Variants in USH2A observed in about 807,000 individuals in gnomAD.
USH2A encodes Usher syndrome 2A (autosomal recessive, mild).
In USH2A, 443 loss-of-function variants were observed where a neutral mutation model predicts 538.9. The observed-to-expected ratio is 0.82, with a 90% CI of 0.76 to 0.89. The LOEUF is 0.89. Ranked by LOEUF, USH2A falls within the 40% of genes least tolerant of loss-of-function variation. The pLI, the probability that USH2A is intolerant of heterozygous loss-of-function variation, is 0.00. For synonymous variants in USH2A, 2,413 were observed against 2,273.5 expected, an observed-to-expected ratio of 1.06 and a Z score of -1.75; for missense variants, 6,633 against 6,324.8, an observed-to-expected ratio of 1.05 and a Z score of -1.65.
intron 21 of USH2A, among the ~76,000 whole-genome samples, chr1:216,136,559 T>C (rs1271626136): frequency 1.3e-5 from 2 of 152,186 alleles, no homozygotes; most frequent in Non-Finnish European, 1.5e-5. Context: ...ATGATTATAA[T>C]GGATTGAATT....
intron 12 of USH2A, among the ~76,000 whole-genome samples, chr1:216,248,861 G>C (rs777877519): frequency 1.3e-5 from 2 of 151,950 alleles, no homozygotes; most frequent in Admixed American, 1.3e-4. Context: ...CATCACATTC[G>C]GTGTTAACAA....
chr1:216,182,228 A>G (rs987966238), intron 20 of USH2A, among the ~76,000 whole-genome samples: 1 of 151,952 alleles, frequency 6.6e-6, no homozygotes, highest in Non-Finnish European at 1.5e-5. Flanking sequence ...TGCCTATTTA[A>G]TTTCTTTCCT....
In USH2A at chr1:215,916,341, T is replaced by TA. The variant is rs5780866; in HGVS notation, c.7301-15437dup. Among the ~76,000 whole-genome samples the TA allele has an allele frequency of 2.2e-3, 333 of 151,074 alleles. 1 individual carries two copies. Among genetic ancestry groups the TA allele is most frequent in the Middle Eastern group, 6.8e-3 (2 of 294 alleles). On this transcript the variant is annotated intron_variant, in intron 38 of 71. Coordinates refer to ENST00000307340, the MANE Select transcript of USH2A (RefSeq NM_206933.4). The stretch of plus-strand genomic sequence containing the variant: ...ACTAGGAAAGAAACATGTGCAAAAA[T>TA]AAAAAAAAAAATTGTTAAAAAGTCA...
chr1:216,178,114 C>G (rs1389148539), intron 20 of USH2A, among the ~76,000 whole-genome samples: 1 of 152,092 alleles, frequency 6.6e-6, no homozygotes, highest in African/African-American at 2.4e-5. Flanking sequence ...AGACCTTCGG[C>G]CAGCTTTTCA....
chr1:216,088,973 A>G (rs1218902374), intron 23 of USH2A, 40 bp downstream of exon 23: 1 of 1,611,864 alleles, frequency 6.2e-7, no homozygotes, highest in South Asian at 1.1e-5. Context: ...CAACACCAAC[A>G]TATCAACAGG....
intron 21 of USH2A, among the ~76,000 whole-genome samples, chr1:216,132,378 G>C (rs1341719449): frequency 6.6e-6 from 1 of 151,964 alleles, no homozygotes; most frequent in Admixed American, 6.6e-5. Flanking sequence ...TTAAAAATAT[G>C]TATAGTCTTT....
At chr1:216,173,978 T>C (rs535500196) in intron 21 of USH2A, 2 of 985,146 alleles carry the variant, frequency 2.0e-6, no homozygotes, top group Non-Finnish European at 2.4e-6. Context: ...AAAGCAGAAG[T>C]TGAGCATTTT....
chr1:215,992,876 A>G (rs1274698881), intron 35 of USH2A, 144 bp downstream of exon 35: 3 of 1,381,530 alleles, frequency 2.2e-6, no homozygotes, highest in Non-Finnish European at 3.0e-6. Flanking sequence ...AATCTCCCCA[A>G]CTAGAGACAA....
chr1:216,106,601 C>T (rs1277450486), intron 21 of USH2A, among the ~76,000 whole-genome samples: 1 of 151,280 alleles, frequency 6.6e-6, no homozygotes, highest in Non-Finnish European at 1.5e-5. Flanking sequence ...CTCTCCATTC[C>T]CCAACACCCA....
chr1:216,242,789 A>G (rs528973916), intron 13 of USH2A, among the ~76,000 whole-genome samples: 3 of 152,314 alleles, frequency 2.0e-5, no homozygotes, highest in Middle Eastern at 3.4e-3. Flanking sequence ...TTAAACTCTT[A>G]GCAAGAAAGA....
intron 21 of USH2A, among the ~76,000 whole-genome samples, chr1:216,122,483 G>C (rs1179461945): frequency 6.6e-6 from 1 of 152,122 alleles, no homozygotes; most frequent in Non-Finnish European, 1.5e-5. Flanking sequence ...TGAGTGCAGG[G>C]GATCAACTTT....
chr1:216,028,586 A>G (rs1669023402), intron 32 of USH2A, among the ~76,000 whole-genome samples: 1 of 152,076 alleles, frequency 6.6e-6, no homozygotes. Context: ...TGAATTGACT[A>G]CAAGTTTTAA....
Position 216,000,456 on chromosome 1 carries a change from T to A in USH2A, c.6432A>T (p.Glu2144Asp). The part of the protein sequence containing the change: ...VLLYTAQLPP[E>D]HVDSPVLTVL... ...CAGTCAGAACTGGGGAATCCACGTGTTCTGGTGGCAGCTGTGCTGTGTACA... is the reference window on the plus strand; with the variant it reads ...CAGTCAGAACTGGGGAATCCACGTGATCTGGTGGCAGCTGTGCTGTGTACA... The change falls in exon 33 of 72, where the codon GAA becomes GAT. Residue 2144 changes from glutamate to aspartate, a missense_variant. Glu to Asp is a conservative substitution (Grantham distance 45). Transcript: ENST00000307340. The A allele has an allele frequency of 6.2e-7, 1 of 1,613,702 alleles. No homozygotes were observed. The highest frequency in any genetic ancestry group is 8.5e-7 in the Non-Finnish European group (1 of 1,179,742).
intron 40 of USH2A, among the ~76,000 whole-genome samples, chr1:215,891,216 G>A (rs1203215326): frequency 2.0e-5 from 3 of 152,142 alleles, no homozygotes; most frequent in Non-Finnish European, 4.4e-5. Flanking sequence ...AAGGAGAGGT[G>A]TTCAATTTCA....
rs768237382 is a variant in USH2A, at chr1:216,078,298, T to C, written c.5363A>G (p.Asp1788Gly). The change falls in exon 27 of 72, where the codon GAT becomes GGT. Residue 1788 changes from aspartate to glycine, a missense_variant. Physicochemically the swap from Asp to Gly is moderately conservative, Grantham distance 94 (BLOSUM62 -1). Coordinates refer to ENST00000307340, the MANE Select transcript of USH2A (RefSeq NM_206933.4). ...ACAATAGGATAGCCCCAGCAATAGA[T>C]CCACTTGTGTAAAGGCAAGACTGGT... is the stretch of plus-strand genomic sequence containing the variant. ...LNTSLAFTQV[D>G]LLLGLSYCNG... 7.4e-6 allele frequency: 12 copies of C among 1,613,780 alleles called. No individual in the cohort carries two copies. In the Middle Eastern group the frequency reaches 5.0e-4, roughly 67 times the overall value.
chr1:216,213,842 T>C (rs2035293159), intron 15 of USH2A, among the ~76,000 whole-genome samples: 1 of 152,024 alleles, frequency 6.6e-6, no homozygotes, highest in African/African-American at 2.4e-5. Context: ...TATCCCAAAT[T>C]AATAAGGAAT....
chr1:216,082,572 CT>C (rs2031985958), intron 26 of USH2A, among the ~76,000 whole-genome samples: 1 of 151,488 alleles, frequency 6.6e-6, no homozygotes, highest in Non-Finnish European at 1.5e-5. Flanking sequence ...TCATATTTTT[CT>C]CCTGTTTCTA....
chr1:215,866,811 T>G (rs1007885441), intron 44 of USH2A, among the ~76,000 whole-genome samples, 196 bp downstream of exon 44: 14 of 152,210 alleles, frequency 9.2e-5, no homozygotes, highest in African/African-American at 3.4e-4. Flanking sequence ...TGTCCATTTC[T>G]AATTTATTTG....
chr1:216,151,216 T>A (rs1398235379), intron 21 of USH2A, among the ~76,000 whole-genome samples: 1 of 152,076 alleles, frequency 6.6e-6, no homozygotes, highest in Non-Finnish European at 1.5e-5. Flanking sequence ...CCTAGGTGGA[T>A]CCCTAGGAGT....
Sources: gnomAD v4.1 joint callset for allele counts (sites outside exome capture counted in the v4.1 genomes callset) on GRCh38, gnomAD v4.1.1 for gene constraint, MANE v1.5 for transcripts, NCBI Gene and HGNC (gene_info 2026-07-23, HGNC 2026-07-21) for gene names.